The following PAM variants were observed in gnomAD, a reference collection of about 807,000 sequenced individuals.
The protein encoded by PAM is peptidyl-glycine alpha-amidating monooxygenase.
PAM carries 72 observed loss-of-function variants against 122.1 expected under a neutral mutation model. The ratio of observed to expected loss-of-function variants is 0.59; its 90% CI spans 0.49 to 0.72. PAM has a LOEUF of 0.72. Among genes scored for constraint, PAM ranks in the 30% least tolerant of loss-of-function variants. PAM has a pLI of 0.00. For missense variants in PAM, 1,106 were observed against 1,183.7 expected, an observed-to-expected ratio of 0.93 and a Z score of 0.96; for synonymous variants, 389 against 404.4, an observed-to-expected ratio of 0.96 and a Z score of 0.46.
chr5:102,779,731 C>T (rs759351627), intron 1 of PAM, among the ~76,000 whole-genome samples: 16 of 151,448 alleles, frequency 1.1e-4, no homozygotes, highest in Non-Finnish European at 1.5e-4. Flanking sequence ...CATTTTTCTC[C>T]CATGCTGGAT....
chr5:102,889,461 A>G (rs1467004049), intron 3 of PAM, among the ~76,000 whole-genome samples: 6 of 151,732 alleles, frequency 4.0e-5, no homozygotes, highest in Admixed American at 3.3e-4. Context: ...TGCTTTATAA[A>G]TCCCTGGGGT....
intron 3 of PAM, among the ~76,000 whole-genome samples, chr5:102,884,041 A>T (rs1375809821): frequency 6.6e-6 from 1 of 151,880 alleles, no homozygotes; most frequent in African/African-American, 2.4e-5. Context: ...TAATAAAAAT[A>T]AATAATAACA....
intron 17 of PAM, 125 bp downstream of exon 17, chr5:103,003,274 C>T (rs1582791245): frequency 5.6e-6 from 3 of 538,926 alleles, no homozygotes; most frequent in Admixed American, 6.4e-5. Context: ...ACTAACTGGG[C>T]CATCCCATCT....
At chr5:102,839,407 T>C (rs1221579837) in intron 1 of PAM, among the ~76,000 whole-genome samples, 1 of 151,824 alleles carries the variant, frequency 6.6e-6, no homozygotes, top group Non-Finnish European at 1.5e-5. Context: ...CGTGGTGGTA[T>C]GTGCCTGTAA....
At chr5:102,849,787 T>C (rs1168142409) in intron 1 of PAM, among the ~76,000 whole-genome samples, 2 of 152,114 alleles carry the variant, frequency 1.3e-5, no homozygotes, top group Admixed American at 6.5e-5. Context: ...AACTGTGAAA[T>C]TGATAAATTA....
chr5:102,809,352 C>CAAAA (rs11302898), intron 1 of PAM, among the ~76,000 whole-genome samples: 4 of 126,242 alleles, frequency 3.2e-5, no homozygotes, highest in African/African-American at 1.2e-4. Flanking sequence ...CTGTCTCTAC[C>CAAAA]AAAAAAAAAA....
At chr5:102,948,472 C>G in intron 9 of PAM, 27 bp downstream of exon 9, 1 of 958,856 alleles carries the variant, frequency 1.0e-6, no homozygotes, top group Non-Finnish European at 1.7e-6. Flanking sequence ...TAATATTTAC[C>G]ATTACCTCAT....
At chr5:102,857,178 G>A (rs1782864095) in intron 1 of PAM, among the ~76,000 whole-genome samples, 1 of 152,190 alleles carries the variant, frequency 6.6e-6, no homozygotes, top group South Asian at 2.1e-4. Context: ...CTTGAGAGCT[G>A]AGCAGCAGTT....
At chr5:102,838,027 T>C (rs1213167640) in intron 1 of PAM, among the ~76,000 whole-genome samples, 2 of 152,200 alleles carry the variant, frequency 1.3e-5, no homozygotes, top group African/African-American at 4.8e-5. Context: ...GAATATTTAG[T>C]TGCACATGGT....
At position 103,003,091 on chromosome 5, in the gene PAM, A is replaced by G. The variant is rs138392424; in HGVS notation, c.1672A>G (p.Thr558Ala). Residue 558 changes from threonine (T) to alanine (A), a missense_variant, in exon 17 of 26, where the codon ACT (threonine) becomes GCT (alanine). Coordinates refer to ENST00000438793, the MANE Select transcript of PAM (RefSeq NM_001177306.2). ...QIGLGPIEED[T>A]ILVIDPNNAA... ...AGGACTCGGACCAATTGAAGAAGACACTATTCTTGTCATAGATCCAAATAA... is the reference window on the plus strand; with the variant it reads ...AGGACTCGGACCAATTGAAGAAGACGCTATTCTTGTCATAGATCCAAATAA... 1.0e-4 allele frequency: 166 copies of G among 1,608,350 alleles called. No homozygotes were observed. The highest frequency in any genetic ancestry group is 1.3e-4 in the Non-Finnish European group (151 of 1,175,004).
intron 1 of PAM, among the ~76,000 whole-genome samples, chr5:102,800,297 C>T (rs553388515): frequency 6.6e-6 from 1 of 152,230 alleles, no homozygotes; most frequent in Non-Finnish European, 1.5e-5. Flanking sequence ...GTATCTCAGT[C>T]ATTCCCCCAT....
At chr5:102,801,841 C>G (rs1272893323) in intron 1 of PAM, among the ~76,000 whole-genome samples, 1 of 139,436 alleles carries the variant, frequency 7.2e-6, no homozygotes, top group Non-Finnish European at 1.5e-5. Flanking sequence ...TGCAGTGGCG[C>G]GATCTCGGCT....
In PAM at chr5:102,949,540, T is replaced by G; in HGVS notation, c.647T>G (p.Val216Gly). 1 of 1,482,276 alleles carries G rather than the reference T, an allele frequency of 6.7e-7. No homozygotes were observed. Among genetic ancestry groups the G allele is most frequent in the Non-Finnish European group, 9.4e-7 (1 of 1,060,022 alleles). The allele number at this position is 1,482,276 out of a possible 1,614,324, so 91.8% of individuals were successfully genotyped here. A position where few individuals can be genotyped will look rare whatever the true frequency, so the allele number is the denominator to read the frequency against. The change falls in exon 10 of 26, where the codon GTG (valine) becomes GGG (glycine). Residue 216 changes from valine (V) to glycine (G), a missense_variant. By Grantham distance (109) the Val-to-Gly change is moderately radical. This residue lies in a region of PAM where 670 missense variants were observed against 690.3 expected (regional missense o/e 0.97). Transcript: ENST00000438793. ...TCTGTGTTTTCATTTCCCACAGTGGTGAATTCTGACATTTCATGCCATTAT... is the reference window on the plus strand; with the variant it reads ...TCTGTGTTTTCATTTCCCACAGTGGGGAATTCTGACATTTCATGCCATTAT... ...DTVIPAGEKV[V>G]NSDISCHYKN...
At chr5:102,876,968 C>G (rs915137501) in intron 3 of PAM, among the ~76,000 whole-genome samples, 2 of 152,122 alleles carry the variant, frequency 1.3e-5, no homozygotes, top group Non-Finnish European at 2.9e-5. Context: ...CTTTGTAAGC[C>G]AAGGTGAAGG....
intron 7 of PAM, among the ~76,000 whole-genome samples, chr5:102,945,702 C>G (rs1261682051): frequency 6.6e-6 from 1 of 152,036 alleles, no homozygotes; most frequent in Non-Finnish European, 1.5e-5. Flanking sequence ...TAAGTCTATC[C>G]AGCTGGCTTT....
chr5:102,991,694 G>A (rs1386378468), intron 16 of PAM, among the ~76,000 whole-genome samples: 1 of 152,038 alleles, frequency 6.6e-6, no homozygotes, highest in Non-Finnish European at 1.5e-5. Context: ...CTTGAAAATG[G>A]AATCTGAAAA....
At chr5:102,991,730 TAATC>T (rs1222650286) in intron 16 of PAM, among the ~76,000 whole-genome samples, 2 of 152,164 alleles carry the variant, frequency 1.3e-5, no homozygotes, top group Non-Finnish European at 2.9e-5. Flanking sequence ...TCAAAGTAAA[TAATC>T]AAACTCAACA....
At chr5:102,893,306 C>T (rs535156639) in intron 3 of PAM, among the ~76,000 whole-genome samples, 7 of 151,844 alleles carry the variant, frequency 4.6e-5, no homozygotes, top group African/African-American at 1.7e-4. Flanking sequence ...TTTACTTCTT[C>T]CTTTTATTTA....
chr5:102,972,335 A>T (rs967272780), intron 14 of PAM, among the ~76,000 whole-genome samples: 2 of 152,174 alleles, frequency 1.3e-5, no homozygotes, highest in Non-Finnish European at 2.9e-5. Context: ...AGGCTGGAGT[A>T]CCGTGGCGTG....
Sources: allele counts gnomAD v4.1 joint callset (sites outside exome capture counted in the v4.1 genomes callset), GRCh38; gene constraint gnomAD v4.1.1; regional missense constraint gnomAD v4.1.1; transcripts MANE v1.5; gene names NCBI Gene and HGNC (gene_info 2026-07-23, HGNC 2026-07-21).